Variants in ITGB5 observed in about 807,000 individuals in gnomAD.
ITGB5 encodes integrin subunit beta 5, also known as integrin beta-5.
In ITGB5, 38 loss-of-function variants were observed where a neutral mutation model predicts 84.8. The observed-to-expected ratio is 0.45, with a 90% confidence interval of 0.35 to 0.59. The LOEUF (loss-of-function observed/expected upper bound fraction) is 0.59. Ranked by LOEUF, ITGB5 falls within the 20% of genes least tolerant of loss-of-function variation. The pLI, the probability that ITGB5 is intolerant of heterozygous loss-of-function variation, is 0.01. For synonymous variants in ITGB5, 393 were observed against 414.4 expected, an observed-to-expected ratio of 0.95 and a Z score of 0.63; for missense variants, 905 against 1,034.5, an observed-to-expected ratio of 0.87 and a Z score of 1.72.
intron 8 of ITGB5, among the ~76,000 whole-genome samples, chr3:124,814,478 TA>T (rs71625774): frequency 0.17 from 23,496 of 134,806 alleles, 1,998 homozygotes; most frequent in Admixed American, 0.26. Context: ...TTTTCCAATT[TA>T]AAAAAAAAAA....
intron 9 of ITGB5, among the ~76,000 whole-genome samples, chr3:124,804,974 TTTCCTTCC>T (rs377410108): frequency 1.3e-5 from 2 of 151,234 alleles, no homozygotes; most frequent in Admixed American, 1.3e-4. Flanking sequence ...CCTTTCTTTC[TTTCCTTCC>T]TTCCTTCCTT....
chr3:124,824,017 T>A (rs910968012), intron 5 of ITGB5, among the ~76,000 whole-genome samples: 1 of 152,210 alleles, frequency 6.6e-6, no homozygotes, highest in Non-Finnish European at 1.5e-5. Flanking sequence ...TCTCTGCAAA[T>A]TGGTTTATAG....
intron 11 of ITGB5, among the ~76,000 whole-genome samples, chr3:124,771,116 T>C (rs1191181693): frequency 6.6e-6 from 1 of 152,134 alleles, no homozygotes; most frequent in East Asian, 1.9e-4. Context: ...ATTGTAGTCA[T>C]GTACTAAAAT....
At chr3:124,871,485 C>T (rs1443774974) in intron 2 of ITGB5, among the ~76,000 whole-genome samples, 4 of 152,110 alleles carry the variant, frequency 2.6e-5, no homozygotes, top group African/African-American at 9.7e-5. Context: ...TGAGCCACCG[C>T]GCCTGGCCGA....
intron 3 of ITGB5, among the ~76,000 whole-genome samples, chr3:124,858,286 G>A (rs1333666286): frequency 6.6e-6 from 1 of 152,036 alleles, no homozygotes; most frequent in Non-Finnish European, 1.5e-5. Flanking sequence ...GGGCCCCATG[G>A]TCACAAAACA....
chr3:124,851,061 C>T (rs1281976530), intron 3 of ITGB5, among the ~76,000 whole-genome samples: 1 of 152,234 alleles, frequency 6.6e-6, no homozygotes, highest in Non-Finnish European at 1.5e-5. Flanking sequence ...TATCCAAAAT[C>T]TACTTCTACT....
chr3:124,832,558 A>G (rs549923897), intron 5 of ITGB5, among the ~76,000 whole-genome samples: 27 of 152,288 alleles, frequency 1.8e-4, no homozygotes, highest in African/African-American at 6.0e-4. Flanking sequence ...GACCAGGATG[A>G]CCCCTTGAGA....
chr3:124,775,073 C>T (rs1017989181), intron 10 of ITGB5, among the ~76,000 whole-genome samples: 4 of 152,220 alleles, frequency 2.6e-5, no homozygotes, highest in African/African-American at 4.8e-5. Flanking sequence ...CTAGAACCTG[C>T]AGGGGGATGC....
At chr3:124,770,789 T>G (rs1194800567) in intron 11 of ITGB5, among the ~76,000 whole-genome samples, 1 of 152,110 alleles carries the variant, frequency 6.6e-6, no homozygotes, top group Non-Finnish European at 1.5e-5. Context: ...AGATGGTAAC[T>G]CTCCCCACAG....
Position 124,768,399 on chromosome 3 carries a change from TAGTCAA to T in ITGB5, c.2017+608_2017+613del, listed in dbSNP as rs1444184758. Among the ~76,000 whole-genome samples, 5 of 152,252 alleles carry T rather than the reference TAGTCAA, an allele frequency of 3.3e-5. No individual in the cohort carries two copies. In the East Asian group the frequency reaches 9.6e-4, roughly 29 times the overall value. On this transcript the variant is annotated intron_variant, in intron 12 of 14. Coordinates refer to ENST00000296181, the MANE Select transcript of ITGB5 (RefSeq NM_002213.5). ...ACAGAAAGAAATCCACACCTGTTAG[TAGTCAA>T]TGCCAATTTTCCCTTCTCCCTAGCA... is the stretch of plus-strand genomic sequence containing the variant.
intron 1 of ITGB5, chr3:124,878,564 A>AC (rs1212208561): frequency 1.6e-5 from 2 of 122,414 alleles, no homozygotes; most frequent in Non-Finnish European, 3.6e-5. Context: ...TGAGCACTGG[A>AC]CTGGGGGGAT....
intron 1 of ITGB5, among the ~76,000 whole-genome samples, chr3:124,895,371 G>A (rs912346234): frequency 1.3e-5 from 2 of 152,066 alleles, no homozygotes; most frequent in South Asian, 4.2e-4. Context: ...GGCCCACGTG[G>A]GCACCACCAC....
chr3:124,773,979 G>A lies in ITGB5; in HGVS notation c.1694-67C>T, dbSNP rs547313196. The stretch of plus-strand genomic sequence containing the variant: ...ACACATGAGCACATAACCATCTGGT[G>A]CCCCACATGCCAGGACTGGGATTCA... On this transcript the variant is annotated intron_variant, in intron 10 of 14. Coordinates refer to ENST00000296181, the MANE Select transcript of ITGB5 (RefSeq NM_002213.5). 2.2e-5 allele frequency: 31 copies of A among 1,391,382 alleles called. No homozygotes were observed. In the East Asian group the frequency reaches 6.5e-4, roughly 29 times the overall value. 86.2% of individuals were successfully genotyped at this position (1,391,382 alleles called of 1,614,324 possible).
At position 124,897,645 on chromosome 3, in the gene ITGB5, C is replaced by A. The variant is rs4607156; in HGVS notation, c.-255+3621G>T. ...CCAGCCTAGGCAACATAGCAAGACC[C>A]CATCTCTACAAAATAAAGAAAAATT... On this transcript the variant is annotated intron_variant, in intron 1 of 4. Coordinates refer to the ITGB5 transcript ENST00000608657. 9.4e-3 allele frequency among the ~76,000 whole-genome samples: 1,428 copies of A among 152,228 alleles called. 31 individuals carry two copies. The highest frequency in any genetic ancestry group is 0.032 in the African/African-American group (1,330 of 41,550).
chr3:124,765,754 G>T (rs528092601), intron 13 of ITGB5, among the ~76,000 whole-genome samples: 4 of 152,264 alleles, frequency 2.6e-5, no homozygotes, highest in Non-Finnish European at 5.9e-5. Flanking sequence ...CTCAGATCTG[G>T]TCTTCATGAG....
chr3:124,808,907 G>A (rs2064452582), intron 9 of ITGB5, 115 bp downstream of exon 9: 2 of 1,197,864 alleles, frequency 1.7e-6, no homozygotes, highest in East Asian at 4.7e-5. Flanking sequence ...ATGCTGAATT[G>A]GAAAACAGAA....
intron 3 of ITGB5, among the ~76,000 whole-genome samples, chr3:124,851,608 AACACACACAC>A (rs3836319): frequency 2.5e-4 from 37 of 146,038 alleles, no homozygotes; most frequent in East Asian, 6.1e-4. Flanking sequence ...TCAGTAAGAA[AACACACACAC>A]ACACACACAC....
chr3:124,795,080 G>A (rs2064203144), intron 10 of ITGB5, among the ~76,000 whole-genome samples: 1 of 152,150 alleles, frequency 6.6e-6, no homozygotes, highest in Non-Finnish European at 1.5e-5. Context: ...TCAGAAGAGA[G>A]AACAGAGAAA....
rs193297869 is a variant in ITGB5 at position 124,886,197 on chromosome 3, G to A, written c.70+734C>T. On this transcript the variant is annotated intron_variant, in intron 1 of 14. Transcript: ENST00000296181. ...TCTGCTCCAGAATCCTCCACAGTTA[G>A]GGGAGTGTGAGGCTCCGAGCGTGTG... 3.5e-3 allele frequency among the ~76,000 whole-genome samples: 540 copies of A among 152,310 alleles called. 6 individuals are homozygous for A. Among genetic ancestry groups the A allele is most frequent in the African/African-American group, 0.011 (473 of 41,584 alleles).
Sources: allele counts gnomAD v4.1 joint callset (sites outside exome capture counted in the v4.1 genomes callset), GRCh38; gene constraint gnomAD v4.1.1; transcripts MANE v1.5; gene names NCBI Gene and HGNC (gene_info 2026-07-23, HGNC 2026-07-21).